The following CNTNAP5 variants were observed in gnomAD, a reference collection of about 807,000 sequenced individuals.
CNTNAP5 encodes the protein contactin associated protein family member 5, also known as contactin-associated protein-like 5.
Under a neutral mutation model 150.2 loss-of-function variants are expected in CNTNAP5, and 72 were observed. The observed-to-expected ratio is 0.48, with a 90% CI of 0.40 to 0.58. The LOEUF (loss-of-function observed/expected upper bound fraction) is 0.58, where lower values mean the gene tolerates loss of function less well. Ranked by LOEUF, CNTNAP5 falls within the 20% of genes least tolerant of loss-of-function variation. The pLI, the probability that CNTNAP5 is intolerant of heterozygous loss-of-function variation, is 0.00. For missense variants in CNTNAP5, 1,636 were observed against 1,626.2 expected (o/e 1.01, Z -0.10); for synonymous variants, 672 against 619.8 (o/e 1.08, Z -1.25).
chr2:124,416,008 A>G (rs1193750323), intron 3 of CNTNAP5, among the ~76,000 whole-genome samples: 1 of 152,148 alleles, frequency 6.6e-6, no homozygotes, highest in Non-Finnish European at 1.5e-5. Flanking sequence ...AGAGATAAAG[A>G]TCATCTGGAT....
chr2:124,223,228 C>T (rs182448902), intron 2 of CNTNAP5, among the ~76,000 whole-genome samples: 3 of 152,074 alleles, frequency 2.0e-5, no homozygotes, highest in South Asian at 2.1e-4. Context: ...ATATTCATCC[C>T]GTTAACAAAT....
intron 3 of CNTNAP5, among the ~76,000 whole-genome samples, chr2:124,302,353 A>G (rs1688585004): frequency 6.6e-6 from 1 of 152,258 alleles, no homozygotes; most frequent in Admixed American, 6.5e-5. Flanking sequence ...TTATTCTGCT[A>G]TAACAGAATA....
intron 12 of CNTNAP5, among the ~76,000 whole-genome samples, chr2:124,612,035 T>G (rs1677395361): frequency 6.6e-6 from 1 of 152,220 alleles, no homozygotes; most frequent in African/African-American, 2.4e-5. Flanking sequence ...AGCCTTCTGG[T>G]TCAGTAATAA....
At chr2:124,883,518 T>C (rs1678011850) in intron 21 of CNTNAP5, among the ~76,000 whole-genome samples, 1 of 152,110 alleles carries the variant, frequency 6.6e-6, no homozygotes, top group Non-Finnish European at 1.5e-5. Flanking sequence ...CAAGCTAAGC[T>C]TTCAGAGTTT....
In CNTNAP5 at chr2:124,311,326, T is replaced by A. The variant is rs571795576; in HGVS notation, c.381+68933T>A. ...AGGTGATGGCTGGTTTGGTTTCGAGTGAGGCCTCTCTTTCTAGCTTGCAGA... is the reference window on the plus strand; with the variant it reads ...AGGTGATGGCTGGTTTGGTTTCGAGAGAGGCCTCTCTTTCTAGCTTGCAGA... On this transcript the variant is annotated intron_variant, in intron 3 of 23. Coordinates refer to ENST00000682447, the MANE Select transcript of CNTNAP5 (RefSeq NM_001367498.1). 2.6e-5 allele frequency among the ~76,000 whole-genome samples: 4 copies of A among 152,180 alleles called. No individual in the cohort carries two copies. The South Asian group carries it at 6.2e-4, about 24-fold the overall frequency.
intron 4 of CNTNAP5, among the ~76,000 whole-genome samples, chr2:124,427,820 C>T (rs1692276323): frequency 1.3e-5 from 2 of 152,024 alleles, no homozygotes; most frequent in Non-Finnish European, 1.5e-5. Flanking sequence ...CTAGTTCCGA[C>T]CTGTTGAATC....
At chr2:124,909,858 T>TATATATATATAA (rs56823375) in intron 22 of CNTNAP5, among the ~76,000 whole-genome samples, 1 of 143,498 alleles carries the variant, frequency 7.0e-6, no homozygotes, top group Non-Finnish European at 1.5e-5. Context: ...TATATATATA[T>TATATATATATAA]GTTCTTCTCC....
At chr2:124,469,484 A>G (rs1005423570) in intron 6 of CNTNAP5, among the ~76,000 whole-genome samples, 2 of 152,196 alleles carry the variant, frequency 1.3e-5, no homozygotes, top group African/African-American at 4.8e-5. Context: ...AGTAACATAT[A>G]TCCAAATAAC....
chr2:124,820,183 G>T (rs1414816828), intron 19 of CNTNAP5, among the ~76,000 whole-genome samples: 3 of 151,954 alleles, frequency 2.0e-5, no homozygotes, highest in Non-Finnish European at 4.4e-5. Flanking sequence ...CCTTTAGTCT[G>T]TTTTTTTGTT....
chr2:124,763,718 A>T lies in CNTNAP5; in HGVS notation c.2281A>T (p.Thr761Ser). The T allele has an allele frequency of 6.2e-7, 1 of 1,612,904 alleles. No homozygotes were observed. The highest frequency in any genetic ancestry group is 8.5e-7 in the Non-Finnish European group (1 of 1,179,352). ...FLSFKDHLPV[T>S]QIVITDTDRS... is the part of the protein sequence containing the mutation. ...TTCCTTCAAAGACCACTTGCCTGTC[A>T]CTCAGATAGTTATCACTGATACCGA... The change falls in exon 15 of 24, where the codon ACT becomes TCT. Residue 761 changes from threonine to serine, a missense_variant. Coordinates refer to ENST00000682447, the MANE Select transcript of CNTNAP5 (RefSeq NM_001367498.1).
chr2:124,456,597 G>T (rs1357313419), intron 6 of CNTNAP5, among the ~76,000 whole-genome samples: 14 of 151,970 alleles, frequency 9.2e-5, no homozygotes, highest in Non-Finnish European at 1.5e-5. Flanking sequence ...CTAAAAAGGA[G>T]CCCACATAGT....
intron 1 of CNTNAP5, among the ~76,000 whole-genome samples, chr2:124,160,822 T>C (rs932178196): frequency 4.6e-5 from 7 of 152,206 alleles, no homozygotes; most frequent in African/African-American, 1.7e-4. Context: ...TAATCATCAT[T>C]GTTGACAGAT....
At chr2:124,428,441 A>G (rs1453234473) in intron 4 of CNTNAP5, among the ~76,000 whole-genome samples, 1 of 152,180 alleles carries the variant, frequency 6.6e-6, no homozygotes, top group Non-Finnish European at 1.5e-5. Context: ...AAAATAAAAA[A>G]GGATAGAGGG....
At chr2:124,420,783 T>G (rs1178107880) in intron 4 of CNTNAP5, among the ~76,000 whole-genome samples, 1 of 152,202 alleles carries the variant, frequency 6.6e-6, no homozygotes, top group Admixed American at 6.5e-5. Context: ...GCCCGCCCTA[T>G]GTACTTCAGG....
At chr2:124,270,983 G>T (rs867183886) in intron 3 of CNTNAP5, among the ~76,000 whole-genome samples, 3 of 152,126 alleles carry the variant, frequency 2.0e-5, no homozygotes, top group Middle Eastern at 3.4e-3. Flanking sequence ...CAAGGAATAG[G>T]ATTTTTTTAT....
At chr2:124,318,657 A>G (rs551297440) in intron 3 of CNTNAP5, among the ~76,000 whole-genome samples, 1 of 152,312 alleles carries the variant, frequency 6.6e-6, no homozygotes, top group South Asian at 2.1e-4. Flanking sequence ...ATAGAAAAAG[A>G]ATCTGTATAA....
Position 124,530,933 on chromosome 2 carries a change from A to T in CNTNAP5, c.1649+3477A>T, listed in dbSNP as rs934222608. 2.3e-4 allele frequency among the ~76,000 whole-genome samples: 35 copies of T among 151,944 alleles called. 1 individual carries two copies. The highest frequency in any genetic ancestry group is 1.5e-5 in the Non-Finnish European group (1 of 67,996). ...CAATAGTCTAAGCCAGCGGTCCCCA[A>T]CCTTTTTGGCATTCAGGGACTGGGG... On this transcript the variant is annotated intron_variant, in intron 10 of 23. Coordinates refer to ENST00000682447, the MANE Select transcript of CNTNAP5 (RefSeq NM_001367498.1).
chr2:124,897,980 T>C (rs1448339677), intron 21 of CNTNAP5, among the ~76,000 whole-genome samples: 1 of 137,324 alleles, frequency 7.3e-6, no homozygotes, highest in Non-Finnish European at 1.6e-5. Context: ...TGTGTGTGTA[T>C]GTGTGTGTAA....
chr2:124,836,537 C>A (rs1682832987), intron 19 of CNTNAP5, among the ~76,000 whole-genome samples: 1 of 152,040 alleles, frequency 6.6e-6, no homozygotes, highest in South Asian at 2.1e-4. Flanking sequence ...GGGACACTTA[C>A]TCATAGTGGC....
Sources: gnomAD v4.1 joint callset for allele counts (sites outside exome capture counted in the v4.1 genomes callset) on GRCh38, gnomAD v4.1.1 for gene constraint, MANE v1.5 for transcripts, NCBI Gene and HGNC (gene_info 2026-07-23, HGNC 2026-07-21) for gene names.